The following MAGT1 variants were observed in gnomAD, a reference collection of about 807,000 sequenced individuals.
The protein encoded by MAGT1 is magnesium transporter 1.
Under a neutral mutation model 28.4 loss-of-function variants are expected in MAGT1, and 4 were observed. The ratio of observed to expected loss-of-function variants is 0.14; its 90% CI spans 0.07 to 0.32. The LOEUF (loss-of-function observed/expected upper bound fraction) is 0.32. Ranked by LOEUF, MAGT1 falls within the 10% of genes least tolerant of loss-of-function variation. The pLI is 1.00. For missense variants in MAGT1, 193 were observed against 264.5 expected (o/e 0.73, Z 1.88); for synonymous variants, 89 against 89.7 (o/e 0.99, Z 0.04).
chrX:77,864,057 C>T (rs1173425962), intron 3 of MAGT1, among the ~76,000 whole-genome samples: 1 of 110,910 alleles, frequency 9.0e-6, no homozygotes, highest in Non-Finnish European at 1.9e-5. Flanking sequence ...CAATGGAATA[C>T]TACTCCACCA....
In MAGT1 at chrX:77,831,229, G is replaced by C. The variant is rs781964804; in HGVS notation, c.902-334C>G. ...AGACGGGGTTTCACCTTGTTGGCCA[G>C]GATGGTCTCGATCTCCTGACCTCAT... On this transcript the variant is annotated intron_variant, in intron 8 of 9. Transcript: ENST00000618282. Among the ~76,000 whole-genome samples the C allele has an allele frequency of 7.2e-5, 8 of 110,440 alleles. No individual in the cohort carries two copies. The South Asian group carries it at 3.0e-3, about 41-fold the overall frequency.
chrX:77,864,808 T>C (rs985032096), intron 3 of MAGT1, among the ~76,000 whole-genome samples: 1 of 110,349 alleles, frequency 9.1e-6, no homozygotes, highest in East Asian at 2.8e-4. Context: ...ACCTCCTGGG[T>C]TCAAGCGATT....
intron 8 of MAGT1, among the ~76,000 whole-genome samples, chrX:77,832,082 T>C (rs782072590): frequency 6.3e-5 from 7 of 111,887 alleles, no homozygotes; most frequent in Non-Finnish European, 1.3e-4. Flanking sequence ...AAAAAAAATC[T>C]GATCCCTAGC....
chrX:77,861,797 T>C (rs1426830213), intron 3 of MAGT1, among the ~76,000 whole-genome samples: 2 of 111,968 alleles, frequency 1.8e-5, no homozygotes, highest in Non-Finnish European at 3.8e-5. Flanking sequence ...AATAAGCCAG[T>C]CACAAGAACA....
intron 7 of MAGT1, among the ~76,000 whole-genome samples, chrX:77,853,368 C>T (rs1254833777): frequency 8.9e-6 from 1 of 111,951 alleles, no homozygotes; most frequent in African/African-American, 3.2e-5. Context: ...AGATCTAAGT[C>T]ACTCAATTTA....
intron 8 of MAGT1, among the ~76,000 whole-genome samples, 164 bp downstream of exon 8, chrX:77,841,082 T>A (rs1557214355): frequency 9.0e-6 from 1 of 111,490 alleles, no homozygotes; most frequent in Non-Finnish European, 1.9e-5. Context: ...ATATTAATTT[T>A]AAAATAGTAA....
At chrX:77,849,497 G>A (rs1253186955) in intron 7 of MAGT1, among the ~76,000 whole-genome samples, 2 of 111,356 alleles carry the variant, frequency 1.8e-5, no homozygotes, top group Non-Finnish European at 3.8e-5. Context: ...GAATGATGAT[G>A]GAAAATGCTC....
intron 1 of MAGT1, among the ~76,000 whole-genome samples, chrX:77,880,422 G>A (rs1392152525): frequency 3.7e-5 from 4 of 108,911 alleles, no homozygotes; most frequent in East Asian, 6.0e-4. Context: ...CCAGCTACTC[G>A]GGAGGCTGAG....
intron 3 of MAGT1, among the ~76,000 whole-genome samples, chrX:77,868,868 G>C (rs547551564): frequency 2.7e-5 from 3 of 111,138 alleles, no homozygotes; most frequent in African/African-American, 9.8e-5. Context: ...AGAGCAGGTG[G>C]GTATGTGATC....
chrX:77,880,319 G>A (rs1414716910), intron 1 of MAGT1, among the ~76,000 whole-genome samples: 2 of 106,498 alleles, frequency 1.9e-5, no homozygotes, highest in African/African-American at 6.8e-5. Context: ...CACGAGGTCA[G>A]GAGTTCAAGA....
At chrX:77,860,836 T>C (rs782064785) in intron 3 of MAGT1, among the ~76,000 whole-genome samples, 1 of 110,892 alleles carries the variant, frequency 9.0e-6, no homozygotes, top group Non-Finnish European at 1.9e-5. Flanking sequence ...TTGGAATATA[T>C]AAAGACCTCC....
chrX:77,842,806 G>A (rs1311151438), intron 7 of MAGT1, among the ~76,000 whole-genome samples: 2 of 109,727 alleles, frequency 1.8e-5, no homozygotes, highest in Non-Finnish European at 3.8e-5. Flanking sequence ...CAGCCTGGGT[G>A]ACAGAACAAG....
chrX:77,849,637 G>A (rs782575612), intron 7 of MAGT1, among the ~76,000 whole-genome samples: 1 of 110,522 alleles, frequency 9.0e-6, no homozygotes, highest in South Asian at 3.8e-4. Flanking sequence ...TTGGGAGGCC[G>A]AGGCAGGCGG....
intron 3 of MAGT1, among the ~76,000 whole-genome samples, chrX:77,861,476 G>A (rs968883684): frequency 8.9e-6 from 1 of 111,845 alleles, no homozygotes; most frequent in Non-Finnish European, 1.9e-5. Flanking sequence ...ATCTGCTATG[G>A]AAAACAGCAT....
At chrX:77,870,950 A>G in intron 2 of MAGT1, 25 bp from the exon 3 acceptor site, 1 of 1,082,121 alleles carries the variant, frequency 9.2e-7, no homozygotes, top group Non-Finnish European at 1.3e-6. Flanking sequence ...ATTCGTAAAG[A>G]TAACATATAA....
intron 1 of MAGT1, among the ~76,000 whole-genome samples, chrX:77,877,812 CAAAATAAAAT>C (rs145687006): frequency 0.024 from 858 of 35,040 alleles, 9 homozygotes; most frequent in African/African-American, 0.035. Flanking sequence ...GACTCTGTCT[CAAAATAAAAT>C]AAAATAAAAT....
Position 77,860,331 on chromosome X carries a change from G to A in MAGT1, c.391-2834C>T, listed in dbSNP as rs1015985633. Reference sequence around the variant, plus strand: ...TCGAACTCATGACCTCAAGTGATCCGCCTGCCTCAGCCTCCCAAAGTGCTG... The same window carrying A: ...TCGAACTCATGACCTCAAGTGATCCACCTGCCTCAGCCTCCCAAAGTGCTG... On this transcript the variant is annotated intron_variant, in intron 3 of 9. Coordinates refer to ENST00000618282, the MANE Select transcript of MAGT1 (RefSeq NM_001367916.1). Among the ~76,000 whole-genome samples, 9 of 110,174 alleles carry A rather than the reference G, an allele frequency of 8.2e-5. 1 individual carries two copies. The highest frequency in any genetic ancestry group is 1.7e-4 in the Non-Finnish European group (9 of 52,650).
At chrX:77,892,672 C>T (rs952913623) in intron 1 of MAGT1, among the ~76,000 whole-genome samples, 1 of 110,669 alleles carries the variant, frequency 9.0e-6, no homozygotes, top group Non-Finnish European at 1.9e-5. Context: ...TGGCACATGC[C>T]TGTAGTCCCA....
At chrX:77,855,866 G>A (rs1208096384) in intron 5 of MAGT1, among the ~76,000 whole-genome samples, 1 of 109,173 alleles carries the variant, frequency 9.2e-6, no homozygotes, top group Non-Finnish European at 1.9e-5. Context: ...CGCCTCCCAG[G>A]TTTAAGCAAT....
Sources: gnomAD v4.1 joint callset for allele counts (sites outside exome capture counted in the v4.1 genomes callset) on GRCh38, gnomAD v4.1.1 for gene constraint, MANE v1.5 for transcripts, NCBI Gene and HGNC (gene_info 2026-07-23, HGNC 2026-07-21) for gene names.